The following SGCD variants were observed in gnomAD, a reference collection of about 807,000 sequenced individuals.
The protein encoded by SGCD is delta-sarcoglycan.
SGCD carries 18 observed loss-of-function variants against 36.6 expected under a neutral mutation model. That is an observed-to-expected ratio of 0.49 (90% CI 0.34 to 0.73). The LOEUF (loss-of-function observed/expected upper bound fraction) is 0.73. Among genes scored for constraint, SGCD ranks in the 30% least tolerant of loss-of-function variants. SGCD has a pLI of 0.01. For missense variants in SGCD, 387 were observed against 346.7 expected, an observed-to-expected ratio of 1.12 and a Z score of -0.92; for synonymous variants, 133 against 130.6, an observed-to-expected ratio of 1.02 and a Z score of -0.12.
At chr5:156,515,874 C>T (rs1416771162) in intron 4 of SGCD, among the ~76,000 whole-genome samples, 2 of 152,218 alleles carry the variant, frequency 1.3e-5, no homozygotes, top group Non-Finnish European at 2.9e-5. Flanking sequence ...GAAAGAAGTC[C>T]CCACAGTGCA....
chr5:156,582,077 T>G (rs1403187105), intron 4 of SGCD, among the ~76,000 whole-genome samples: 1 of 152,166 alleles, frequency 6.6e-6, no homozygotes, highest in Non-Finnish European at 1.5e-5. Flanking sequence ...GCTCAATTTT[T>G]TTTTAATTTA....
intron 1 of SGCD, among the ~76,000 whole-genome samples, chr5:156,037,668 A>G (rs914952895): frequency 6.6e-6 from 1 of 152,212 alleles, no homozygotes; most frequent in Non-Finnish European, 1.5e-5. Flanking sequence ...TACAAGATAA[A>G]AGATAATTGG....
chr5:156,502,620 C>T (rs1314298874), intron 3 of SGCD, among the ~76,000 whole-genome samples: 1 of 152,142 alleles, frequency 6.6e-6, no homozygotes. Context: ...CAAGCATGAA[C>T]CATCAGTCCT....
chr5:155,788,448 T>G, the SGCD span, among the ~76,000 whole-genome samples: 8 of 152,238 alleles, frequency 5.3e-5, no homozygotes, highest in East Asian at 1.5e-3. Context: ...ATATCCAAAT[T>G]TTTTGCACCA....
chr5:156,061,852 C>G lies in SGCD; in HGVS notation c.-281-56026C>G, dbSNP rs566499697. Among the ~76,000 whole-genome samples the G allele has an allele frequency of 4.0e-4, 55 of 136,896 alleles. 1 individual carries two copies. The highest frequency in any genetic ancestry group is 1.4e-3 in the African/African-American group (52 of 38,516). 89.8% of individuals were successfully genotyped at this position (136,896 alleles called of 152,430 possible). Reference sequence around the variant, plus strand: ...TCCTCCAAGTTACATTAATATATGTCTTTGAATAATTCAGTCATTGAGATT... The same window carrying G: ...TCCTCCAAGTTACATTAATATATGTGTTTGAATAATTCAGTCATTGAGATT... On this transcript the variant is annotated intron_variant, in intron 1 of 9. Coordinates refer to the SGCD transcript ENST00000517913.
At chr5:156,214,277 C>G (rs112585487) in intron 3 of SGCD, among the ~76,000 whole-genome samples, 71 of 151,958 alleles carry the variant, frequency 4.7e-4, no homozygotes, top group African/African-American at 1.7e-3. Context: ...CCAAATCAAC[C>G]TACCAAAATC....
At chr5:156,673,502 C>T (rs554633991) in intron 7 of SGCD, among the ~76,000 whole-genome samples, 1 of 152,290 alleles carries the variant, frequency 6.6e-6, no homozygotes, top group Non-Finnish European at 1.5e-5. Flanking sequence ...TTCATTGCCG[C>T]TTCCTATTCA....
intron 6 of SGCD, among the ~76,000 whole-genome samples, chr5:156,614,830 C>T (rs1046596458): frequency 6.6e-6 from 1 of 152,144 alleles, no homozygotes; most frequent in African/African-American, 2.4e-5. Flanking sequence ...AAACTAATGT[C>T]TCCTCCATCA....
chr5:156,701,944 A>T (rs1163990240), intron 7 of SGCD, among the ~76,000 whole-genome samples: 1 of 152,194 alleles, frequency 6.6e-6, no homozygotes, highest in Non-Finnish European at 1.5e-5. Flanking sequence ...ACACACAAAA[A>T]ATCAGATAGG....
At chr5:156,037,023 C>T (rs555199260) in intron 1 of SGCD, among the ~76,000 whole-genome samples, 151 of 152,234 alleles carry the variant, frequency 9.9e-4, no homozygotes, top group African/African-American at 3.3e-3. Context: ...CTCAGTGTCC[C>T]CATGGTTTTG....
intron 3 of SGCD, among the ~76,000 whole-genome samples, chr5:156,411,394 G>T: frequency 6.6e-6 from 1 of 152,206 alleles, no homozygotes; most frequent in Non-Finnish European, 1.5e-5. Context: ...GAGCAGTAGG[G>T]AGTTCGAAGC....
chr5:156,666,819 G>A (rs2113645472), intron 7 of SGCD, among the ~76,000 whole-genome samples: 1 of 152,150 alleles, frequency 6.6e-6, no homozygotes, highest in East Asian at 1.9e-4. Flanking sequence ...ACAAAATGGA[G>A]TCTCCTATGT....
chr5:156,491,934 C>T (rs1016283629), intron 3 of SGCD, among the ~76,000 whole-genome samples: 5 of 152,092 alleles, frequency 3.3e-5, no homozygotes, highest in African/African-American at 9.7e-5. Flanking sequence ...AATTTTTTAA[C>T]TTGTTGCTTG....
At chr5:155,999,248 CAAGATAAA>C (rs1414538530) in intron 1 of SGCD, among the ~76,000 whole-genome samples, 4 of 152,186 alleles carry the variant, frequency 2.6e-5, no homozygotes, top group Non-Finnish European at 5.9e-5. Context: ...CTCAGACAGA[CAAGATAAA>C]AAGCTGTGCC....
chr5:156,713,412 G>T (rs921501366), intron 7 of SGCD, among the ~76,000 whole-genome samples: 31 of 149,504 alleles, frequency 2.1e-4, no homozygotes, highest in Admixed American at 5.3e-4. Context: ...GAACATGTCG[G>T]GGGGGGCGTT....
At chr5:156,739,266 T>TC (rs1230798136) in intron 7 of SGCD, among the ~76,000 whole-genome samples, 1 of 152,164 alleles carries the variant, frequency 6.6e-6, no homozygotes, top group Non-Finnish European at 1.5e-5. Context: ...TAGACCTTGC[T>TC]CAGAACATAG....
Position 156,765,325 on chromosome 5 carries a change from G to A in SGCD, c.*5935G>A, listed in dbSNP as rs1757568822. Reference sequence around the variant, plus strand: ...CCAAAGGATTGTCTGAGGGCAGGAAGACGACACTTGTCAACAAGGAAGACA... The same window carrying A: ...CCAAAGGATTGTCTGAGGGCAGGAAAACGACACTTGTCAACAAGGAAGACA... On this transcript the variant is annotated 3_prime_UTR_variant, in exon 9 of 9. Coordinates refer to ENST00000337851, the MANE Select transcript of SGCD (RefSeq NM_000337.6). The A allele has an allele frequency of 6.6e-6, 1 of 152,186 alleles. No individual in the cohort carries two copies. Among genetic ancestry groups the A allele is most frequent in the East Asian group, 1.9e-4 (1 of 5,196 alleles). 9.4% of individuals were successfully genotyped at this position (152,186 alleles called of 1,614,324 possible).
At chr5:156,592,187 A>AGAG (rs3839271) in intron 5 of SGCD, among the ~76,000 whole-genome samples, 45,480 of 151,670 alleles carry the variant, frequency 0.3, 7,856 homozygotes, top group African/African-American at 0.48. Context: ...CCAGGTCCAC[A>AGAG]GAGAAGTCCA....
At chr5:156,240,380 G>A (rs1765276847) in intron 3 of SGCD, among the ~76,000 whole-genome samples, 1 of 152,098 alleles carries the variant, frequency 6.6e-6, no homozygotes, top group African/African-American at 2.4e-5. Context: ...AATGCTTGGG[G>A]GAATGCTAAC....
Sources: gnomAD v4.1 joint callset for allele counts (sites outside exome capture counted in the v4.1 genomes callset) on GRCh38, gnomAD v4.1.1 for gene constraint, MANE v1.5 for transcripts, NCBI Gene and HGNC (gene_info 2026-07-23, HGNC 2026-07-21) for gene names.